Variants in TUB observed in about 807,000 individuals in gnomAD.
The protein encoded by TUB is tubby protein homolog.
Under a neutral mutation model 59.7 loss-of-function variants are expected in TUB, and 33 were observed. That is an observed-to-expected ratio of 0.55 (90% confidence interval 0.42 to 0.74). The LOEUF is 0.74. Among genes scored for constraint, TUB ranks in the 30% least tolerant of loss-of-function variants. The pLI is 0.00. For missense variants in TUB, 659 were observed against 672.0 expected, an observed-to-expected ratio of 0.98 and a Z score of 0.21; for synonymous variants, 293 against 256.4, an observed-to-expected ratio of 1.14 and a Z score of -1.36.
chr11:8,023,042 C>G (rs1185989742), intron 1 of TUB, among the ~76,000 whole-genome samples: 3 of 152,236 alleles, frequency 2.0e-5, no homozygotes, highest in Non-Finnish European at 2.9e-5. Context: ...CCAGGCTCAG[C>G]TTTTCTGGGT....
Position 8,095,597 on chromosome 11 carries a change from G to T in TUB, c.497G>T (p.Gly166Val). 1 of 1,612,876 alleles carries T rather than the reference G, an allele frequency of 6.2e-7. No homozygotes were observed. Among genetic ancestry groups the T allele is most frequent in the East Asian group, 2.2e-5 (1 of 44,854 alleles). Residue 166 changes from glycine to valine, a missense_variant, in exon 5 of 12, where the codon GGG becomes GTG. By Grantham distance (109) the Gly-to-Val change is moderately radical. Coordinates refer to ENST00000299506, the MANE Select transcript of TUB (RefSeq NM_177972.3). ...CAGTCAGACCACGCCCAGGACGCAG[G>T]GGAGACGGCAGCTGGTGGGGGCGAA... The part of the protein sequence containing the change: ...VGQSDHAQDA[G>V]ETAAGGGERP...
At chr11:8,047,763 G>A (rs1313210392) in intron 2 of TUB, among the ~76,000 whole-genome samples, 6 of 152,202 alleles carry the variant, frequency 3.9e-5, no homozygotes, top group Non-Finnish European at 7.4e-5. Context: ...GAGCCCCAGG[G>A]AGGGTCCTTG....
intron 2 of TUB, among the ~76,000 whole-genome samples, chr11:8,070,316 A>C (rs969378452): frequency 2.6e-5 from 4 of 152,158 alleles, no homozygotes; most frequent in East Asian, 3.9e-4. Flanking sequence ...GCATTTTATA[A>C]TCTTCTTTAT....
chr11:8,099,615 G>A (rs990724650), intron 9 of TUB, among the ~76,000 whole-genome samples: 11 of 152,148 alleles, frequency 7.2e-5, no homozygotes, highest in African/African-American at 2.2e-4. Context: ...TACCTTTATG[G>A]GACTTAAAGC....
Position 8,053,558 on chromosome 11 carries a change from T to TTGCACGATCTCGGCTCAC in TUB, c.203+13871_203+13888dup, listed in dbSNP as rs1395041360. 2.6e-5 allele frequency among the ~76,000 whole-genome samples: 4 copies of TTGCACGATCTCGGCTCAC among 151,766 alleles called. No individual in the cohort carries two copies. The East Asian group carries it at 7.9e-4, about 30-fold the overall frequency. On this transcript the variant is annotated intron_variant, in intron 2 of 12. Coordinates refer to the TUB transcript ENST00000305253. ...CTCTGTCGCCCAGGCTGGAGTGCAG[T>TTGCACGATCTCGGCTCAC]TGCACGATCTCGGCTCACTGCAAGC...
At chr11:8,073,081 C>T (rs1005837545) in intron 2 of TUB, among the ~76,000 whole-genome samples, 10 of 152,192 alleles carry the variant, frequency 6.6e-5, no homozygotes, top group African/African-American at 2.4e-4. Flanking sequence ...AGGATTGGAA[C>T]CTGGCACTGG....
intron 9 of TUB, among the ~76,000 whole-genome samples, chr11:8,099,144 C>T (rs752305304): frequency 2.0e-5 from 3 of 152,098 alleles, no homozygotes; most frequent in Non-Finnish European, 2.9e-5. Context: ...GTCTCTTAGA[C>T]AGAAGGAGAC....
In TUB at chr11:8,101,410, GTGTC is replaced by G. The variant is rs1189546477; in HGVS notation, c.1388-70_1388-67del. Reference sequence around the variant, plus strand: ...CTTGTTCTTCCCTCATGTGGTTTGGGTGTCTGTCTATCCTTCCCTGGCTCTACCA... The same window carrying G: ...CTTGTTCTTCCCTCATGTGGTTTGGGTGTCTATCCTTCCCTGGCTCTACCA... On this transcript the variant is annotated intron_variant, in intron 11 of 11. Coordinates refer to ENST00000299506, the MANE Select transcript of TUB (RefSeq NM_177972.3). 3.8e-6 allele frequency: 6 copies of G among 1,572,814 alleles called. No individual in the cohort carries two copies. The Admixed American group carries it at 1.0e-4, about 26-fold the overall frequency.
intron 4 of TUB, 85 bp downstream of exon 4, chr11:8,094,274 G>T: frequency 4.1e-6 from 6 of 1,465,802 alleles, no homozygotes; most frequent in Non-Finnish European, 5.5e-6. Context: ...TGACTTGGAG[G>T]GGAGGGATAG....
At chr11:8,078,275 A>G (rs942731715), upstream of TUB, among the ~76,000 whole-genome samples, 2 of 152,106 alleles carry the variant, frequency 1.3e-5, no homozygotes, top group African/African-American at 4.8e-5. Context: ...TGCAAACAGG[A>G]TGATTTAAAT....
At chr11:8,073,770 C>T (rs989677971) in intron 2 of TUB, among the ~76,000 whole-genome samples, 7 of 152,244 alleles carry the variant, frequency 4.6e-5, no homozygotes, top group African/African-American at 9.6e-5. Context: ...GGCTTAGATG[C>T]CCCCTGGGCA....
Position 8,095,666 on chromosome 11 carries a change from G to A in TUB, c.565+1G>A, listed in dbSNP as rs1231844403. On this transcript the variant is annotated splice_donor_variant, in intron 5 of 11. Transcript: ENST00000299506. LOFTEE classifies it high-confidence loss of function. ...CTCCGTGCCACGATGCAGAGGAAGG[G>A]TGAGCCCCATGGGGACCCAGTGATA... 3.1e-6 allele frequency: 5 copies of A among 1,594,998 alleles called. No individual in the cohort carries two copies. The highest frequency in any genetic ancestry group is 4.3e-6 in the Non-Finnish European group (5 of 1,170,990).
chr11:8,075,688 T>G (rs1175171169), intron 2 of TUB: 1 of 150,174 alleles, frequency 6.7e-6, no homozygotes, highest in African/African-American at 2.5e-5. Context: ...GGTTGTCTTG[T>G]CAGTAATTAA....
intron 2 of TUB, among the ~76,000 whole-genome samples, chr11:8,071,260 A>G (rs1265620429): frequency 1.3e-5 from 2 of 152,116 alleles, no homozygotes; most frequent in Non-Finnish European, 2.9e-5. Context: ...GGGTAGGTCT[A>G]GCCTGAGTGT....
intron 9 of TUB, among the ~76,000 whole-genome samples, chr11:8,099,433 G>C (rs1944156250): frequency 6.6e-6 from 1 of 152,054 alleles, no homozygotes; most frequent in Non-Finnish European, 1.5e-5. Context: ...CTGGGCATGG[G>C]CACTTCTTGG....
chr11:8,094,297 C>G (rs1943887665), intron 4 of TUB, 108 bp downstream of exon 4: 2 of 1,378,016 alleles, frequency 1.5e-6, no homozygotes, highest in African/African-American at 1.5e-5. Flanking sequence ...TGAACAGCCT[C>G]AGGGAAGACA....
chr11:8,053,969 A>G (rs1242997095), intron 2 of TUB, among the ~76,000 whole-genome samples: 3 of 151,764 alleles, frequency 2.0e-5, no homozygotes, highest in African/African-American at 7.3e-5. Flanking sequence ...CAAAAATATT[A>G]GCCAGACGTG....
At chr11:8,064,107 G>A (rs555831853) in intron 2 of TUB, among the ~76,000 whole-genome samples, 1 of 152,314 alleles carries the variant, frequency 6.6e-6, no homozygotes, top group Admixed American at 6.5e-5. Flanking sequence ...GACTTACTCA[G>A]TTCTCAGTCT....
At chr11:8,019,282 C>T in exon 1 of TUB, 1 of 1,261,174 alleles carries the variant, frequency 7.9e-7, no homozygotes, top group Non-Finnish European at 9.9e-7. Flanking sequence ...CGCGGAGCCC[C>T]GAGCGGAGCC....
Sources: allele counts gnomAD v4.1 joint callset (sites outside exome capture counted in the v4.1 genomes callset), GRCh38; gene constraint gnomAD v4.1.1; transcripts MANE v1.5; gene names NCBI Gene and HGNC (gene_info 2026-07-23, HGNC 2026-07-21).